The following PML variants were observed in gnomAD, a reference collection of about 807,000 sequenced individuals.
PML encodes the protein PML nuclear body scaffold.
In PML, 28 loss-of-function variants were observed where a neutral mutation model predicts 65.2. The observed-to-expected ratio is 0.43, with a 90% CI of 0.32 to 0.59. The LOEUF is 0.59. PML is among the 20% of genes least tolerant of loss of function. The pLI is 0.08. For synonymous variants in PML, 500 were observed against 508.8 expected (o/e 0.98, Z 0.23); for missense variants, 1,021 against 1,203.4 (o/e 0.85, Z 2.24).
chr15:74,006,407 A>AAAG (rs1555440236), intron 2 of PML, among the ~76,000 whole-genome samples: 51 of 151,072 alleles, frequency 3.4e-4, no homozygotes, highest in African/African-American at 9.0e-4. Flanking sequence ...AAAAAAAAAA[A>AAAG]AAAGAAAGAA....
intron 2 of PML, among the ~76,000 whole-genome samples, chr15:74,003,219 G>A (rs2069866520): frequency 6.6e-6 from 1 of 152,088 alleles, no homozygotes; most frequent in African/African-American, 2.4e-5. Flanking sequence ...GGATCATGAG[G>A]TCAGGAGTTC....
chr15:74,017,494 A>G (rs1433755721), intron 2 of PML, among the ~76,000 whole-genome samples: 3 of 151,958 alleles, frequency 2.0e-5, no homozygotes, highest in Non-Finnish European at 4.4e-5. Flanking sequence ...TGAAAATACA[A>G]AAGAATTAGC....
Position 74,042,769 on chromosome 15 carries a change from G to A in PML, c.1711-220G>A. On this transcript the variant is annotated intron_variant, in intron 7 of 8. Transcript: ENST00000268058. The surrounding 1 kb of genome is among the most constrained non-coding windows in gnomAD (Gnocchi z 5.3). Reference sequence around the variant, plus strand: ...CCCTTCCTCCCCTACTCATGAGGGTGTATGCCCTGGTTCATACATGTAACC... The same window carrying A: ...CCCTTCCTCCCCTACTCATGAGGGTATATGCCCTGGTTCATACATGTAACC... The A allele has an allele frequency of 1.0e-6, 1 of 985,344 alleles. No individual in the cohort carries two copies. The highest frequency in any genetic ancestry group is 1.2e-6 in the Non-Finnish European group (1 of 829,904). 61.0% of individuals were successfully genotyped at this position (985,344 alleles called of 1,614,324 possible). A position where few individuals can be genotyped will look rare whatever the true frequency, so the allele number is the denominator to read the frequency against.
chr15:74,018,750 T>C (rs2070708288), intron 2 of PML, among the ~76,000 whole-genome samples: 2 of 152,250 alleles, frequency 1.3e-5, no homozygotes, highest in African/African-American at 4.8e-5. Context: ...TCTTTCTTAA[T>C]TATTATGTAA....
At chr15:74,005,660 G>T (rs1205458036) in intron 2 of PML, among the ~76,000 whole-genome samples, 1 of 151,292 alleles carries the variant, frequency 6.6e-6, no homozygotes, top group African/African-American at 2.4e-5. Context: ...GCCTGCTCTT[G>T]TTTTCTCATT....
At position 74,023,344 on chromosome 15, in the gene PML, C is replaced by A; in HGVS notation, c.1119C>A (p.Thr373=). Residue 373 remains threonine (T), a synonymous_variant, in exon 3 of 9, where the codon ACC becomes ACA. Coordinates refer to ENST00000268058, the MANE Select transcript of PML (RefSeq NM_033238.3). ...EPQSLQAAVR[T]DGFDEFKVRL... is the part of the protein sequence containing the mutation. Reference sequence around the variant, plus strand: ...AGAGCCTGCAAGCTGCCGTGCGCACCGATGGCTTCGACGAGTTCAAGGTGC... The same window carrying A: ...AGAGCCTGCAAGCTGCCGTGCGCACAGATGGCTTCGACGAGTTCAAGGTGC... The A allele has an allele frequency of 6.2e-7, 1 of 1,603,724 alleles. No homozygotes were observed.
chr15:74,003,948 G>A (rs1370737184), intron 2 of PML, among the ~76,000 whole-genome samples: 1 of 152,158 alleles, frequency 6.6e-6, no homozygotes, highest in Non-Finnish European at 1.5e-5. Context: ...TGAGCTAGGT[G>A]TAAAATTCTG....
chr15:74,044,905 A>T lies in PML; in HGVS notation c.2546A>T (p.Tyr849Phe). The change falls in exon 9 of 9, where the codon TAC (tyrosine) becomes TTC (phenylalanine). Residue 849 changes from tyrosine to phenylalanine, a missense_variant. By Grantham distance (22) the Tyr-to-Phe change is conservative (BLOSUM62 3). Coordinates refer to ENST00000268058, the MANE Select transcript of PML (RefSeq NM_033238.3). ...TTCAACCTGCAGGCTCTGGGCACCTACTTTGAAGGCCTGTTGGAGGGTCCG... is the reference window on the plus strand; with the variant it reads ...TTCAACCTGCAGGCTCTGGGCACCTTCTTTGAAGGCCTGTTGGAGGGTCCG... ...PAFNLQALGT[Y>F]FEGLLEGPAL... 2.5e-6 allele frequency: 4 copies of T among 1,613,362 alleles called. No homozygotes were observed. The highest frequency in any genetic ancestry group is 3.4e-6 in the Non-Finnish European group (4 of 1,179,970).
At chr15:74,001,124 C>A (rs186178621) in intron 2 of PML, among the ~76,000 whole-genome samples, 1 of 152,086 alleles carries the variant, frequency 6.6e-6, no homozygotes, top group Non-Finnish European at 1.5e-5. Flanking sequence ...ACTATACCCC[C>A]TTTTTTTATT....
In PML at chr15:74,007,268, T is replaced by G. The variant is rs1446923842; in HGVS notation, c.602+8792T>G. 2.0e-5 allele frequency among the ~76,000 whole-genome samples: 3 copies of G among 152,226 alleles called. No individual in the cohort carries two copies. The East Asian group carries it at 5.8e-4, about 29-fold the overall frequency. ...TTAGAAGGCTCCTTTCTGCGTCTGTTGGTTTTCATTTGCCTGCAGCTCAAA... is the reference window on the plus strand; with the variant it reads ...TTAGAAGGCTCCTTTCTGCGTCTGTGGGTTTTCATTTGCCTGCAGCTCAAA... On this transcript the variant is annotated intron_variant, in intron 2 of 8. Transcript: ENST00000268058.
chr15:74,021,090 C>T (rs1343386808), intron 2 of PML, among the ~76,000 whole-genome samples: 1 of 152,178 alleles, frequency 6.6e-6, no homozygotes, highest in Non-Finnish European at 1.5e-5. Context: ...CTACAGTTTG[C>T]ATCTAGACTC....
In PML at chr15:74,023,038, G is replaced by GC; in HGVS notation, c.814dup (p.Arg272ProfsTer144). 1 of 1,605,014 alleles carries GC rather than the reference G, an allele frequency of 6.2e-7. No homozygotes were observed. Among genetic ancestry groups the GC allele is most frequent in the Non-Finnish European group, 8.5e-7 (1 of 1,178,352 alleles). On this transcript the variant is annotated frameshift_variant, in exon 3 of 9. Transcript: ENST00000268058. LOFTEE classifies it high-confidence loss of function. ...CGGCCGTCGGCCAGCTGGGCCGCGC[G>GC]CGTGCCGAGACCGAGGAGCTGATCC...
In PML at chr15:74,044,643, G is replaced by A. The variant is rs2071752059; in HGVS notation, c.2284G>A (p.Gly762Ser). 4.4e-6 allele frequency: 7 copies of A among 1,605,670 alleles called. No individual in the cohort carries two copies. In the East Asian group the frequency reaches 1.6e-4, roughly 36 times the overall value. ...DLCRLLEVSP[G>S]PQLAQHVYPF... is the part of the protein sequence containing the mutation. ...GTGCCGCCTCCTCGAGGTCTCCCCG[G>A]GCCCCCAGCTGGCCCAGCATGTCTA... The change falls in exon 9 of 9, where the codon GGC becomes AGC. Residue 762 changes from glycine (G) to serine (S), a missense_variant. Physicochemically the swap from Gly to Ser is moderately conservative, Grantham distance 56. Coordinates refer to ENST00000268058, the MANE Select transcript of PML (RefSeq NM_033238.3).
chr15:74,040,134 A>G (rs892599262), intron 7 of PML, among the ~76,000 whole-genome samples: 2 of 152,224 alleles, frequency 1.3e-5, no homozygotes, highest in South Asian at 2.1e-4. Flanking sequence ...TTTGCATTCA[A>G]AGAAACAATG....
In PML at chr15:74,043,623, C is replaced by A; in HGVS notation, c.1861+484C>A. The A allele has an allele frequency of 2.1e-6, 1 of 478,374 alleles. No homozygotes were observed. 29.6% of individuals were successfully genotyped at this position (478,374 alleles called of 1,614,324 possible). The stretch of plus-strand genomic sequence containing the variant: ...GCCCCTCTACTTCCTCCAGTGCTTG[C>A]CCTGGCTCTGCAAATGCCCCTCCTT... On this transcript the variant is annotated intron_variant, in intron 8 of 8. Transcript: ENST00000268058. The surrounding 1 kb of genome is among the most constrained non-coding windows in gnomAD (Gnocchi z 4.3).
At chr15:74,014,560 G>A (rs976807712) in intron 2 of PML, among the ~76,000 whole-genome samples, 3 of 151,928 alleles carry the variant, frequency 2.0e-5, no homozygotes, top group African/African-American at 2.4e-5. Flanking sequence ...TCAGGAGTTC[G>A]AGACGAGCCT....
At chr15:73,996,431 T>TAC (rs1344254125) in intron 1 of PML, among the ~76,000 whole-genome samples, 1 of 152,238 alleles carries the variant, frequency 6.6e-6, no homozygotes, top group Admixed American at 6.5e-5. Context: ...CATCCTGAGC[T>TAC]ACGGAAAAGA....
chr15:74,000,282 A>G (rs548352254), intron 2 of PML, among the ~76,000 whole-genome samples: 3 of 151,958 alleles, frequency 2.0e-5, no homozygotes, highest in African/African-American at 7.2e-5. Context: ...ACCTCTACAC[A>G]TCCTCCTGTA....
rs901482287 is a variant in PML at position 74,047,812 on chromosome 15, GA to G, written c.*2811del. 2.3e-5 allele frequency: 4 copies of G among 176,980 alleles called. No homozygotes were observed. Among genetic ancestry groups the G allele is most frequent in the East Asian group, 9.5e-5 (1 of 10,512 alleles). 11.0% of individuals were successfully genotyped at this position (176,980 alleles called of 1,614,324 possible). On this transcript the variant is annotated 3_prime_UTR_variant, in exon 9 of 9. Coordinates refer to ENST00000268058, the MANE Select transcript of PML (RefSeq NM_033238.3). ...GAAAATAAACACATTTTAGATCTTAGAAAAAAACAAAAAAACATGGGCTTGT... is the reference window on the plus strand; with the variant it reads ...GAAAATAAACACATTTTAGATCTTAGAAAAAACAAAAAAACATGGGCTTGT...
Sources: gnomAD v4.1 joint callset for allele counts (sites outside exome capture counted in the v4.1 genomes callset) on GRCh38, gnomAD v4.1.1 for gene constraint, Gnocchi (gnomAD v3.1) non-coding constraint, MANE v1.5 for transcripts, NCBI Gene and HGNC (gene_info 2026-07-23, HGNC 2026-07-21) for gene names.